Variants in ZNF410 observed in about 807,000 individuals in gnomAD.
ZNF410 encodes zinc finger protein 410.
ZNF410 carries 18 observed loss-of-function variants against 54.8 expected under a neutral mutation model. The observed-to-expected ratio is 0.33, with a 90% CI of 0.23 to 0.49. The LOEUF (loss-of-function observed/expected upper bound fraction) is 0.49. ZNF410 is among the 20% of genes least tolerant of loss of function. ZNF410 has a pLI of 0.99. For missense variants in ZNF410, 405 were observed against 569.6 expected, an observed-to-expected ratio of 0.71 and a Z score of 2.94; for synonymous variants, 191 against 207.3, an observed-to-expected ratio of 0.92 and a Z score of 0.68.
chr14:73,899,624 G>C (rs900835093), intron 5 of ZNF410, among the ~76,000 whole-genome samples: 1 of 152,108 alleles, frequency 6.6e-6, no homozygotes, highest in South Asian at 2.1e-4. Flanking sequence ...GTAGGGAGGG[G>C]AGCTTGCAAT....
chr14:73,925,273 C>T (rs1025510326), intron 11 of ZNF410, among the ~76,000 whole-genome samples: 12 of 152,168 alleles, frequency 7.9e-5, no homozygotes, highest in African/African-American at 1.9e-4. Context: ...ACGGAGCCTT[C>T]CTCTTTCTCC....
At chr14:73,924,725 G>A in intron 11 of ZNF410, 1 of 439,774 alleles carries the variant, frequency 2.3e-6, no homozygotes, top group Non-Finnish European at 4.5e-6. Flanking sequence ...TGCCCAGGCT[G>A]GAGTGCAGTG....
At chr14:73,891,875 G>C in intron 1 of ZNF410, 152 bp from the exon 2 acceptor site, 1 of 596,754 alleles carries the variant, frequency 1.7e-6, no homozygotes, top group African/African-American at 1.9e-5. Context: ...TGCCTGTTGA[G>C]CTTGTTGTAT....
chr14:73,931,721 C>T lies in ZNF410; in HGVS notation c.*180C>T. On this transcript the variant is annotated 3_prime_UTR_variant, in exon 12 of 12. Coordinates refer to ENST00000555044, the MANE Select transcript of ZNF410 (RefSeq NM_021188.3). ...GGATGTAGGAGAGCTTCTTTTCTAA[C>T]TACCATCTGATCAGACAAGGAATGA... The T allele has an allele frequency of 3.2e-6, 2 of 619,978 alleles. No individual in the cohort carries two copies. The allele number at this position is 619,978 out of a possible 1,614,324, so 38.4% of individuals were successfully genotyped here. A position where few individuals can be genotyped will look rare whatever the true frequency, so the allele number is the denominator to read the frequency against.
chr14:73,911,239 G>C (rs2140312482), intron 8 of ZNF410, among the ~76,000 whole-genome samples: 1 of 152,252 alleles, frequency 6.6e-6, no homozygotes, highest in African/African-American at 2.4e-5. Context: ...GTTAATCAGA[G>C]CAGAGGCTTG....
intron 11 of ZNF410, among the ~76,000 whole-genome samples, chr14:73,925,015 G>A (rs1401783872): frequency 2.0e-5 from 3 of 152,148 alleles, no homozygotes; most frequent in Non-Finnish European, 4.4e-5. Context: ...ACAGTAAGCT[G>A]TTGCATCATT....
chr14:73,891,803 G>GGT, intron 1 of ZNF410: 1 of 551,992 alleles, frequency 1.8e-6, no homozygotes. Flanking sequence ...ATTTAAGATA[G>GGT]TTTTTTAGAT....
chr14:73,905,373 A>C (rs2055465203), intron 7 of ZNF410: 1 of 285,308 alleles, frequency 3.5e-6, no homozygotes, highest in African/African-American at 2.2e-5. Context: ...GATGTGGACA[A>C]AATCAGTCTG....
At chr14:73,895,797 A>C (rs1339705512) in intron 3 of ZNF410, among the ~76,000 whole-genome samples, 1 of 152,156 alleles carries the variant, frequency 6.6e-6, no homozygotes, top group Non-Finnish European at 1.5e-5. Context: ...CTCTCTACTA[A>C]AAATGCAAAA....
intron 2 of ZNF410, 91 bp downstream of exon 2, chr14:73,892,299 A>G: frequency 8.2e-7 from 1 of 1,214,802 alleles, no homozygotes; most frequent in Non-Finnish European, 1.2e-6. Context: ...TTTTTCTTTA[A>G]TGGGCCAGAT....
intron 7 of ZNF410, among the ~76,000 whole-genome samples, chr14:73,906,887 G>T (rs940472740): frequency 3.3e-5 from 5 of 151,788 alleles, no homozygotes; most frequent in African/African-American, 1.2e-4. Flanking sequence ...ACCAGTTTCA[G>T]AATTTCTTGT....
chr14:73,908,637 C>T (rs986870283), intron 7 of ZNF410, among the ~76,000 whole-genome samples: 43 of 152,152 alleles, frequency 2.8e-4, no homozygotes, highest in African/African-American at 9.9e-4. Flanking sequence ...TTTCCCCGGG[C>T]ACTCTGTTTC....
At chr14:73,908,175 C>T (rs934058200) in intron 7 of ZNF410, among the ~76,000 whole-genome samples, 79 of 152,246 alleles carry the variant, frequency 5.2e-4, no homozygotes, top group Non-Finnish European at 8.4e-4. Context: ...TCTTTTAAAC[C>T]TCTTCCTTCT....
chr14:73,923,610 C>T, intron 11 of ZNF410, 88 bp downstream of exon 11: 1 of 1,496,642 alleles, frequency 6.7e-7, no homozygotes, highest in Non-Finnish European at 9.0e-7. Context: ...TCTCCAGTTT[C>T]CATTTCCTGG....
chr14:73,909,013 A>T (rs1232684744), intron 7 of ZNF410, among the ~76,000 whole-genome samples: 1 of 152,234 alleles, frequency 6.6e-6, no homozygotes, highest in Admixed American at 6.5e-5. Context: ...AAATCCTGAC[A>T]GCATATACAG....
In ZNF410 at chr14:73,909,705, T is replaced by A. The variant is rs560165158; in HGVS notation, c.1003+275T>A. On this transcript the variant is annotated intron_variant, in intron 8 of 11. Coordinates refer to ENST00000555044, the MANE Select transcript of ZNF410 (RefSeq NM_021188.3). ...TTGTTTGGCACTCTGCTGGGTGCTT[T>A]ATAAGTTACATAAAACATGGACCCT... 1.0e-5 allele frequency: 3 copies of A among 295,250 alleles called. No individual in the cohort carries two copies. In the South Asian group the frequency reaches 1.9e-4, roughly 18 times the overall value. The allele number at this position is 295,250 out of a possible 1,614,324, so 18.3% of individuals were successfully genotyped here.
At chr14:73,924,589 G>A (rs2055800877) in intron 11 of ZNF410, 1 of 398,122 alleles carries the variant, frequency 2.5e-6, no homozygotes, top group Non-Finnish European at 4.9e-6. Context: ...CATTTCATAT[G>A]CATAAACTTT....
chr14:73,890,963 G>A lies in ZNF410; in HGVS notation c.-149-1064G>A, dbSNP rs983523898. ...GCAGAGGTTGTGGTGAGCTGAGATC[G>A]TGCCATTGTGCTCCAGCCTGGGCAA... On this transcript the variant is annotated intron_variant, in intron 1 of 11. Transcript: ENST00000555044. Among the ~76,000 whole-genome samples the A allele has an allele frequency of 7.9e-5, 12 of 152,252 alleles. No homozygotes were observed. In the South Asian group the frequency reaches 1.2e-3, roughly 16 times the overall value.
chr14:73,918,593 T>A (rs2055704388), intron 8 of ZNF410, among the ~76,000 whole-genome samples: 1 of 151,706 alleles, frequency 6.6e-6, no homozygotes, highest in South Asian at 2.1e-4. Flanking sequence ...CCATTATTAG[T>A]ATCATTGACC....
Sources: allele counts gnomAD v4.1 joint callset (sites outside exome capture counted in the v4.1 genomes callset), GRCh38; gene constraint gnomAD v4.1.1; transcripts MANE v1.5; gene names NCBI Gene and HGNC (gene_info 2026-07-23, HGNC 2026-07-21).